Variants in GNB4 observed in about 807,000 individuals in gnomAD.
The protein encoded by GNB4 is G protein subunit beta 4.
A neutral mutation model predicts 45.2 loss-of-function variants in GNB4; 28 were observed. The observed-to-expected ratio is 0.62, with a 90% CI of 0.46 to 0.85. The LOEUF (loss-of-function observed/expected upper bound fraction) is 0.85. GNB4 is among the 40% of genes least tolerant of loss of function. The probability of loss-of-function intolerance (pLI) is 0.00; values close to 1 mark genes in which losing one functional copy is unlikely to be tolerated. For missense variants in GNB4, 321 were observed against 425.4 expected (o/e 0.75, Z 2.16); for synonymous variants, 132 against 143.7 (o/e 0.92, Z 0.58).
intron 1 of GNB4, among the ~76,000 whole-genome samples, chr3:179,444,702 ACT>A (rs1715676123): frequency 6.6e-6 from 1 of 151,982 alleles, no homozygotes; most frequent in Non-Finnish European, 1.5e-5. Context: ...ACAGAGAGAG[ACT>A]CTGTCTCAAA....
the GNB4 span, among the ~76,000 whole-genome samples, chr3:179,517,955 G>A: frequency 6.6e-6 from 1 of 152,002 alleles, no homozygotes; most frequent in African/African-American, 2.4e-5. Flanking sequence ...CTTTTCTGGG[G>A]GGCAAGAACC....
chr3:179,527,573 C>T, the GNB4 span, among the ~76,000 whole-genome samples: 1 of 152,218 alleles, frequency 6.6e-6, no homozygotes, highest in Admixed American at 6.5e-5. Flanking sequence ...CTATTCCTCA[C>T]TTTACAAATG....
chr3:179,477,189 C>A, the GNB4 span, among the ~76,000 whole-genome samples: 9 of 152,114 alleles, frequency 5.9e-5, no homozygotes, highest in Non-Finnish European at 1.2e-4. Context: ...CCTTGGTTTA[C>A]TCTCCTGAAC....
At chr3:179,449,060 G>A (rs952664735) in intron 1 of GNB4, among the ~76,000 whole-genome samples, 32 of 152,246 alleles carry the variant, frequency 2.1e-4, no homozygotes, top group African/African-American at 7.7e-4. Flanking sequence ...GCAGGAGAGA[G>A]TATGATAAAT....
rs991217519 is a variant in GNB4, at chr3:179,398,561, T to C, written c.*2652A>G. 1 of 151,486 alleles carries C rather than the reference T, an allele frequency of 6.6e-6. No homozygotes were observed. Among genetic ancestry groups the C allele is most frequent in the African/African-American group, 2.4e-5 (1 of 41,192 alleles). 9.4% of individuals were successfully genotyped at this position (151,486 alleles called of 1,614,324 possible). Reference sequence around the variant, plus strand: ...AAAGGAACATTAACTGCAATATTCTTGATGATGCAAATTTTTAAAAACTAA... The same window carrying C: ...AAAGGAACATTAACTGCAATATTCTCGATGATGCAAATTTTTAAAAACTAA... On this transcript the variant is annotated 3_prime_UTR_variant, in exon 10 of 10. Coordinates refer to ENST00000232564, the MANE Select transcript of GNB4 (RefSeq NM_021629.4).
chr3:179,456,921 T>C, the GNB4 span, among the ~76,000 whole-genome samples: 1 of 152,356 alleles, frequency 6.6e-6, no homozygotes, highest in Middle Eastern at 3.4e-3. Context: ...AGTTGGTTTA[T>C]CCATTTGGCA....
At chr3:179,409,992 G>C (rs901965914) in intron 8 of GNB4, among the ~76,000 whole-genome samples, 1 of 152,130 alleles carries the variant, frequency 6.6e-6, no homozygotes. Flanking sequence ...TCTCCCTGCA[G>C]GCTGTTCTTG....
chr3:179,463,113 T>C, the GNB4 span, among the ~76,000 whole-genome samples: 1 of 152,180 alleles, frequency 6.6e-6, no homozygotes, highest in Non-Finnish European at 1.5e-5. Flanking sequence ...TGGGGTTCAA[T>C]TACTGGAAGG....
chr3:179,463,124 A>G, the GNB4 span, among the ~76,000 whole-genome samples: 1 of 152,202 alleles, frequency 6.6e-6, no homozygotes, highest in Non-Finnish European at 1.5e-5. Flanking sequence ...TACTGGAAGG[A>G]GTTGTATCAA....
At chr3:179,504,557 T>G in the GNB4 span, among the ~76,000 whole-genome samples, 6 of 152,196 alleles carry the variant, frequency 3.9e-5, no homozygotes, top group Admixed American at 1.3e-4. Context: ...CCAGCTTTAG[T>G]GAGATAAGGA....
the GNB4 span, among the ~76,000 whole-genome samples, chr3:179,475,129 AT>A: frequency 0.017 from 2,639 of 151,372 alleles, 73 homozygotes; most frequent in African/African-American, 0.061. Flanking sequence ...TTATTTATTT[AT>A]TTTTTTGGAG....
At chr3:179,460,697 T>C in the GNB4 span, among the ~76,000 whole-genome samples, 1 of 151,988 alleles carries the variant, frequency 6.6e-6, no homozygotes, top group African/African-American at 2.4e-5. Flanking sequence ...AAAGATAGAG[T>C]CTCACTATGT....
chr3:179,522,491 A>C, the GNB4 span, among the ~76,000 whole-genome samples: 5 of 152,190 alleles, frequency 3.3e-5, no homozygotes, highest in African/African-American at 7.2e-5. Flanking sequence ...GAAAGAAGGC[A>C]TATTTACAGT....
chr3:179,453,038 T>A (rs1274191365), upstream of GNB4, among the ~76,000 whole-genome samples: 2 of 152,232 alleles, frequency 1.3e-5, no homozygotes, highest in Non-Finnish European at 2.9e-5. Context: ...ATAAGCAAAC[T>A]GATGCCCTGG....
At chr3:179,475,857 C>T in the GNB4 span, among the ~76,000 whole-genome samples, 3 of 151,530 alleles carry the variant, frequency 2.0e-5, no homozygotes, top group African/African-American at 7.3e-5. Flanking sequence ...GAGGGCAGAG[C>T]CCTCATGGCC....
intron 8 of GNB4, among the ~76,000 whole-genome samples, chr3:179,406,195 C>T (rs1714465945): frequency 1.3e-5 from 2 of 151,994 alleles, no homozygotes; most frequent in Non-Finnish European, 1.5e-5. Flanking sequence ...TATGACTTAC[C>T]CACTCTCTTA....
chr3:179,521,340 T>G, the GNB4 span, among the ~76,000 whole-genome samples: 1 of 152,216 alleles, frequency 6.6e-6, no homozygotes, highest in South Asian at 2.1e-4. Context: ...GCCACCAACT[T>G]AAAAAGGACT....
chr3:179,455,551 G>A (rs1000873002), upstream of GNB4, among the ~76,000 whole-genome samples: 1 of 152,128 alleles, frequency 6.6e-6, no homozygotes, highest in Admixed American at 6.5e-5. Flanking sequence ...CTAATCAATC[G>A]TGGACTCTTG....
chr3:179,440,901 A>T (rs1435726011), intron 1 of GNB4, among the ~76,000 whole-genome samples: 6 of 151,806 alleles, frequency 4.0e-5, no homozygotes, highest in Non-Finnish European at 7.4e-5. Flanking sequence ...AGAGAGAGAG[A>T]GATACAATAG....
Sources: allele counts gnomAD v4.1 joint callset (sites outside exome capture counted in the v4.1 genomes callset), GRCh38; gene constraint gnomAD v4.1.1; transcripts MANE v1.5; gene names NCBI Gene and HGNC (gene_info 2026-07-23, HGNC 2026-07-21).